The following IL1RAPL2 variants were observed in gnomAD, a reference collection of about 807,000 sequenced individuals.
The protein encoded by IL1RAPL2 is interleukin 1 receptor accessory protein like 2, also known as X-linked interleukin-1 receptor accessory protein-like 2.
IL1RAPL2 carries 3 observed loss-of-function variants against 44.1 expected under a neutral mutation model. The observed-to-expected ratio is 0.07, with a 90% CI of 0.03 to 0.18. The LOEUF (loss-of-function observed/expected upper bound fraction) is 0.18. Among genes scored for constraint, IL1RAPL2 ranks in the 10% least tolerant of loss-of-function variants. The pLI is 1.00. For missense variants in IL1RAPL2, 391 were observed against 496.4 expected (o/e 0.79, Z 2.02); for synonymous variants, 181 against 178.8 (o/e 1.01, Z -0.10).
At chrX:105,522,188 C>G (rs2036563824) in intron 6 of IL1RAPL2, among the ~76,000 whole-genome samples, 1 of 111,668 alleles carries the variant, frequency 9.0e-6, no homozygotes, top group Non-Finnish European at 1.9e-5. Flanking sequence ...AAACTTTTAC[C>G]CTTTGGAATT....
intron 6 of IL1RAPL2, among the ~76,000 whole-genome samples, chrX:105,671,969 T>C (rs1183418863): frequency 1.8e-5 from 2 of 111,927 alleles, no homozygotes; most frequent in Admixed American, 9.5e-5. Flanking sequence ...ATTTCAATTA[T>C]TGTACTTTTT....
intron 5 of IL1RAPL2, among the ~76,000 whole-genome samples, chrX:105,300,942 G>C (rs2034692781): frequency 1.8e-5 from 2 of 111,680 alleles, no homozygotes; most frequent in Admixed American, 1.9e-4. Context: ...ATTTAATTGA[G>C]TATAAGTCAG....
intron 2 of IL1RAPL2, among the ~76,000 whole-genome samples, chrX:104,675,668 C>T (rs1930734226): frequency 9.0e-6 from 1 of 110,680 alleles, no homozygotes; most frequent in Non-Finnish European, 1.9e-5. Context: ...GACTTTCTGT[C>T]TCTTTGATCT....
chrX:105,588,031 T>A (rs1449611373), intron 6 of IL1RAPL2, among the ~76,000 whole-genome samples: 1 of 111,944 alleles, frequency 8.9e-6, no homozygotes, highest in Non-Finnish European at 1.9e-5. Context: ...AGAGTGAGAC[T>A]GTCTCAAAAT....
chrX:104,835,383 G>GA lies in IL1RAPL2; in HGVS notation c.82+176400dup, dbSNP rs1250458149. ...GGATTTTAAAAACTGATACTATCAG[G>GA]AAAAAAAAAAAACATTTAACTTTGG... On this transcript the variant is annotated intron_variant, in intron 2 of 10. Transcript: ENST00000372582. Among the ~76,000 whole-genome samples the GA allele has an allele frequency of 4.0e-3, 403 of 100,955 alleles. 1 individual carries two copies. The highest frequency in any genetic ancestry group is 5.5e-3 in the South Asian group (13 of 2,364). The allele number at this position is 100,955 out of a possible 115,157, so 87.7% of individuals were successfully genotyped here.
intron 6 of IL1RAPL2, among the ~76,000 whole-genome samples, chrX:105,520,113 C>T (rs1728358878): frequency 8.9e-6 from 1 of 111,845 alleles, no homozygotes; most frequent in African/African-American, 3.2e-5. Flanking sequence ...GTAAGTGTTA[C>T]TTGACCTGAT....
At position 104,955,586 on chromosome X, in the gene IL1RAPL2, C is replaced by T. The variant is rs755137650; in HGVS notation, c.83-239889C>T. Among the ~76,000 whole-genome samples the T allele has an allele frequency of 1.0e-4, 11 of 108,127 alleles. No homozygotes were observed. The Middle Eastern group carries it at 0.039, about 385-fold the overall frequency. The allele number at this position is 108,127 out of a possible 115,157, so 93.9% of individuals were successfully genotyped here. A position where few individuals can be genotyped will look rare whatever the true frequency, so the allele number is the denominator to read the frequency against. ...CATATATATATTTATATAAAATACT[C>T]CCCATTCTCAGTATCCTTTTCTAGA... On this transcript the variant is annotated intron_variant, in intron 2 of 10. Transcript: ENST00000372582.
intron 2 of IL1RAPL2, among the ~76,000 whole-genome samples, chrX:104,877,531 A>G (rs939646469): frequency 8.9e-6 from 1 of 112,708 alleles, no homozygotes; most frequent in Non-Finnish European, 1.9e-5. Context: ...TTTTTATAGC[A>G]TCTAACTTCA....
intron 6 of IL1RAPL2, among the ~76,000 whole-genome samples, chrX:105,580,362 G>GTTTTTTTTTTTTTTTTT (rs149950677): frequency 1.2e-5 from 1 of 84,651 alleles, no homozygotes. Flanking sequence ...AACCCCCCGT[G>GTTTTTTTTTTTTTTTTT]TTTTTTTTTT....
intron 2 of IL1RAPL2, among the ~76,000 whole-genome samples, chrX:105,020,101 G>A (rs1426815120): frequency 9.0e-6 from 1 of 110,968 alleles, no homozygotes; most frequent in Admixed American, 9.7e-5. Context: ...AGCCTCCTGA[G>A]CAGCTAGAAC....
chrX:105,673,824 G>A (rs2037844929), intron 6 of IL1RAPL2, among the ~76,000 whole-genome samples: 1 of 111,955 alleles, frequency 8.9e-6, no homozygotes, highest in African/African-American at 3.2e-5. Context: ...AGCCTCGCCA[G>A]TATCTGTTGT....
At chrX:105,755,793 T>C (rs146888026) in intron 10 of IL1RAPL2, among the ~76,000 whole-genome samples, 1,702 of 111,818 alleles carry the variant, frequency 0.015, 34 homozygotes, top group African/African-American at 0.052. Context: ...TCCAGATTTA[T>C]GGAAAAATCC....
At chrX:105,120,448 G>T (rs897865240) in intron 2 of IL1RAPL2, among the ~76,000 whole-genome samples, 1 of 110,827 alleles carries the variant, frequency 9.0e-6, no homozygotes, top group African/African-American at 3.3e-5. Context: ...AATTAAATCT[G>T]CCTTTTAGCA....
Position 105,393,866 on chromosome X carries a change from G to A in IL1RAPL2, c.698-90447G>A, listed in dbSNP as rs193072834. ...TTTAATGTACATGACTACACTCCGA[G>A]GGCATTATCAGCCTCCCTATTTCAT... On this transcript the variant is annotated intron_variant, in intron 5 of 10. Transcript: ENST00000372582. 3.6e-5 allele frequency among the ~76,000 whole-genome samples: 4 copies of A among 111,933 alleles called. No individual in the cohort carries two copies. The East Asian group carries it at 1.1e-3, about 31-fold the overall frequency.
At chrX:104,569,539 C>G (rs932723876) in intron 1 of IL1RAPL2, among the ~76,000 whole-genome samples, 5 of 112,142 alleles carry the variant, frequency 4.5e-5, no homozygotes, top group African/African-American at 1.6e-4. Flanking sequence ...TTATAACCAT[C>G]TGGAACATGT....
chrX:105,497,877 C>A (rs1293466628), intron 6 of IL1RAPL2, among the ~76,000 whole-genome samples: 1 of 111,816 alleles, frequency 8.9e-6, no homozygotes, highest in Admixed American at 9.5e-5. Flanking sequence ...TGACAAAATT[C>A]AACAACCTTT....
rs1228453957 is a variant in IL1RAPL2 at position 105,746,516 on chromosome X, G to C, written c.1049-2444G>C. Among the ~76,000 whole-genome samples, 3 of 111,986 alleles carry C rather than the reference G, an allele frequency of 2.7e-5. No individual in the cohort carries two copies. The East Asian group carries it at 8.4e-4, about 31-fold the overall frequency. ...AGGATAGATGTTTCCCTTTTGATGT[G>C]ACTGCCTGGGCTGAATCAAAGAATC... On this transcript the variant is annotated intron_variant, in intron 8 of 10. Transcript: ENST00000372582.
intron 6 of IL1RAPL2, among the ~76,000 whole-genome samples, chrX:105,541,422 G>A (rs913501331): frequency 2.7e-5 from 3 of 111,248 alleles, no homozygotes; most frequent in Non-Finnish European, 5.7e-5. Context: ...GAAAAGGAGA[G>A]TAAGTGGAAA....
intron 2 of IL1RAPL2, among the ~76,000 whole-genome samples, chrX:105,096,952 A>G (rs767293384): frequency 9.0e-6 from 1 of 111,580 alleles, no homozygotes; most frequent in African/African-American, 3.3e-5. Context: ...ACAAAAATCT[A>G]TCACTTGCCC....
Sources: gnomAD v4.1 joint callset for allele counts (sites outside exome capture counted in the v4.1 genomes callset) on GRCh38, gnomAD v4.1.1 for gene constraint, MANE v1.5 for transcripts, NCBI Gene and HGNC (gene_info 2026-07-23, HGNC 2026-07-21) for gene names.